HES2: variants seen among roughly 807,000 people sequenced by gnomAD.
HES2 encodes the protein transcription factor HES-2.
A neutral mutation model predicts 11.9 loss-of-function variants in HES2; 11 were observed. The observed-to-expected ratio is 0.92, with a 90% CI of 0.58 to 1.53. The LOEUF (loss-of-function observed/expected upper bound fraction) is 1.53, where lower values mean the gene tolerates loss of function less well. Among genes scored for constraint, HES2 ranks in the 40% most tolerant of loss-of-function variants. The probability of loss-of-function intolerance (pLI) is 0.00; values close to 1 mark genes in which losing one functional copy is unlikely to be tolerated. For synonymous variants in HES2, 125 were observed against 122.8 expected (o/e 1.02, Z -0.12); for missense variants, 260 against 253.8 (o/e 1.02, Z -0.16).
In HES2 at chr1:6,419,519, CT is replaced by C. The variant is rs1642887074; in HGVS notation, c.141+87del. On this transcript the variant is annotated intron_variant, in intron 2 of 3. Transcript: ENST00000377834. This position sits in a 1 kb window ranked among gnomAD's most constrained non-coding sequence, Gnocchi z 8.1. The stretch of plus-strand genomic sequence containing the variant: ...CGCCTCGGGCGCCGCGCGGAACCCC[CT>C]GGTGGGTTCCTCCCGCAGGAGCACC... The C allele has an allele frequency of 3.1e-6, 4 of 1,303,816 alleles. No individual in the cohort carries two copies. Among genetic ancestry groups the C allele is most frequent in the Admixed American group, 4.8e-5 (2 of 42,102 alleles). The allele number at this position is 1,303,816 out of a possible 1,614,324, so 80.8% of individuals were successfully genotyped here.
Position 6,419,097 on chromosome 1 carries a change from C to A in HES2, c.298G>T (p.Val100Leu). 6.7e-7 allele frequency: 1 copy of A among 1,503,444 alleles called. No individual in the cohort carries two copies. The highest frequency in any genetic ancestry group is 8.8e-7 in the Non-Finnish European group (1 of 1,134,512). The allele number at this position is 1,503,444 out of a possible 1,614,324, so 93.1% of individuals were successfully genotyped here. A position where few individuals can be genotyped will look rare whatever the true frequency, so the allele number is the denominator to read the frequency against. Residue 100 changes from valine (V) to leucine (L), a missense_variant, in exon 4 of 4, where the codon GTG becomes TTG. Coordinates refer to ENST00000377834, the MANE Select transcript of HES2 (RefSeq NM_019089.5). The surrounding 1 kb of genome is among the most constrained non-coding windows in gnomAD (Gnocchi z 8.1). ...TCCAGGACACGGCAGGCGGGCAGCACGCGGGCCAGGCGCGCCACACAGGCG... is the reference window on the plus strand; with the variant it reads ...TCCAGGACACGGCAGGCGGGCAGCAAGCGGGCCAGGCGCGCCACACAGGCG... ...YSACVARLARVLPACRVLEPA... is the reference protein window; with the variant it reads ...YSACVARLARLLPACRVLEPA...
In HES2 at chr1:6,415,421, A is replaced by G. The variant is rs540700400; in HGVS notation, c.*3452T>C. On this transcript the variant is annotated 3_prime_UTR_variant, in exon 4 of 4. Coordinates refer to ENST00000377834, the MANE Select transcript of HES2 (RefSeq NM_019089.5). ...CAATATTTCAAACTTCTTCCTTATT[A>G]TATCTGTTGTGAAGCTGGTTCTCCC... The G allele has an allele frequency of 6.6e-6, 1 of 151,764 alleles. No homozygotes were observed. The highest frequency in any genetic ancestry group is 1.5e-5 in the Non-Finnish European group (1 of 67,972). The allele number at this position is 151,764 out of a possible 1,614,324, so 9.4% of individuals were successfully genotyped here.
At position 6,418,375 on chromosome 1, in the gene HES2, A is replaced by G; in HGVS notation, c.*498T>C. On this transcript the variant is annotated 3_prime_UTR_variant, in exon 4 of 4. Coordinates refer to ENST00000377834, the MANE Select transcript of HES2 (RefSeq NM_019089.5). ...GCCCTGTAGAGCCCTGGAAGTGACC[A>G]GAGCCCTTAGGCTACTGCTGCTGCA... 1 of 155,178 alleles carries G rather than the reference A, an allele frequency of 6.4e-6. No homozygotes were observed. The allele number at this position is 155,178 out of a possible 1,614,324, so 9.6% of individuals were successfully genotyped here. A position where few individuals can be genotyped will look rare whatever the true frequency, so the allele number is the denominator to read the frequency against.
rs754809839 is a variant in HES2 at position 6,419,040 on chromosome 1, G to A, written c.355C>T (p.Leu119=). ...GTGGCGCTGGCCGCTCTCCGCCACAGGTGCTCCAGCAGGCGCGCGCTCACG... is the reference window on the plus strand; with the variant it reads ...GTGGCGCTGGCCGCTCTCCGCCACAAGTGCTCCAGCAGGCGCGCGCTCACG... ...PAVSARLLEH[L]WRRAASATLD... The change falls in exon 4 of 4, where the codon CTG becomes TTG. Residue 119 remains leucine (L), a synonymous_variant. Transcript: ENST00000377834. The surrounding 1 kb of genome is among the most constrained non-coding windows in gnomAD (Gnocchi z 8.1). 2.0e-6 allele frequency: 3 copies of A among 1,464,622 alleles called. No homozygotes were observed. Among genetic ancestry groups the A allele is most frequent in the Non-Finnish European group, 2.7e-6 (3 of 1,118,054 alleles). 90.7% of individuals were successfully genotyped at this position (1,464,622 alleles called of 1,614,324 possible). A position where few individuals can be genotyped will look rare whatever the true frequency, so the allele number is the denominator to read the frequency against.
rs1642852298 is a variant in HES2, at chr1:6,416,500, T to A, written c.*2373A>T. ...ACCCACCCAGGCTTGCCCCCTCCCT[T>A]CCAGGGCCCACTGACCTCCTGACTC... On this transcript the variant is annotated 3_prime_UTR_variant, in exon 4 of 4. Coordinates refer to ENST00000377834, the MANE Select transcript of HES2 (RefSeq NM_019089.5). 1 of 152,196 alleles carries A rather than the reference T, an allele frequency of 6.6e-6. No individual in the cohort carries two copies. The highest frequency in any genetic ancestry group is 1.5e-5 in the Non-Finnish European group (1 of 68,114). The allele number at this position is 152,196 out of a possible 1,614,324, so 9.4% of individuals were successfully genotyped here. A position where few individuals can be genotyped will look rare whatever the true frequency, so the allele number is the denominator to read the frequency against.
In HES2 at chr1:6,419,420, A is replaced by G; in HGVS notation, c.142-80T>C. On this transcript the variant is annotated intron_variant, in intron 2 of 3. Transcript: ENST00000377834. The surrounding 1 kb of genome is among the most constrained non-coding windows in gnomAD (Gnocchi z 8.1). Reference sequence around the variant, plus strand: ...CGGCTACCGTGCGCACCCTCGCTCTAGTCGGGAGCTGGGTGTGGGGCGCGC... The same window carrying G: ...CGGCTACCGTGCGCACCCTCGCTCTGGTCGGGAGCTGGGTGTGGGGCGCGC... 5.3e-6 allele frequency: 7 copies of G among 1,315,740 alleles called. No individual in the cohort carries two copies. The highest frequency in any genetic ancestry group is 7.3e-6 in the Non-Finnish European group (7 of 952,484). The allele number at this position is 1,315,740 out of a possible 1,614,324, so 81.5% of individuals were successfully genotyped here.
Position 6,419,787 on chromosome 1 carries a change from C to G in HES2, c.34G>C (p.Glu12Gln). The change falls in exon 1 of 4, where the codon GAG (glutamate) becomes CAG (glutamine). Residue 12 changes from glutamate (E) to glutamine (Q), a missense_variant. By Grantham distance (29) the Glu-to-Gln change is conservative (BLOSUM62 2). Transcript: ENST00000377834. This position sits in a 1 kb window ranked among gnomAD's most constrained non-coding sequence, Gnocchi z 8.1. ...TCCCCGGTACCCACCTTGCGCAGCT[C>G]CGCCGCGTCCCCTGCCCGGCGAGGC... is the stretch of plus-strand genomic sequence containing the variant. ...GLPRRAGDAA[E>Q]LRKSLKPLLE... 1 of 1,561,330 alleles carries G rather than the reference C, an allele frequency of 6.4e-7. No homozygotes were observed. The highest frequency in any genetic ancestry group is 8.6e-7 in the Non-Finnish European group (1 of 1,158,454).
At position 6,415,602 on chromosome 1, in the gene HES2, C is replaced by A. The variant is rs1642838018; in HGVS notation, c.*3271G>T. The A allele has an allele frequency of 6.6e-6, 1 of 152,020 alleles. No individual in the cohort carries two copies. The highest frequency in any genetic ancestry group is 2.1e-4 in the South Asian group (1 of 4,816). 9.4% of individuals were successfully genotyped at this position (152,020 alleles called of 1,614,324 possible). On this transcript the variant is annotated 3_prime_UTR_variant, in exon 4 of 4. Coordinates refer to ENST00000377834, the MANE Select transcript of HES2 (RefSeq NM_019089.5). ...TCCTCCTTGGCAGCCCAGTCTTTAT[C>A]CTCACTCACGTGGAAATGAGATTCG...
Position 6,419,542 on chromosome 1 carries a change from C to T in HES2, c.141+65G>A, listed in dbSNP as rs1293244168. ...CCCTGGTGGGTTCCTCCCGCAGGAG[C>T]ACCCCGTCCCCCTGCCCCCGCTCCG... On this transcript the variant is annotated intron_variant, in intron 2 of 3. Transcript: ENST00000377834. This position sits in a 1 kb window ranked among gnomAD's most constrained non-coding sequence, Gnocchi z 8.1. 7 of 1,369,310 alleles carry T rather than the reference C, an allele frequency of 5.1e-6. No individual in the cohort carries two copies. The South Asian group carries it at 8.2e-5, about 16-fold the overall frequency. 84.8% of individuals were successfully genotyped at this position (1,369,310 alleles called of 1,614,324 possible). A position where few individuals can be genotyped will look rare whatever the true frequency, so the allele number is the denominator to read the frequency against.
In HES2 at chr1:6,419,460, G is replaced by A. The variant is rs1018057767; in HGVS notation, c.142-120C>T. 7 of 1,164,414 alleles carry A rather than the reference G, an allele frequency of 6.0e-6. No homozygotes were observed. Among genetic ancestry groups the A allele is most frequent in the African/African-American group, 3.2e-5 (2 of 62,884 alleles). 72.1% of individuals were successfully genotyped at this position (1,164,414 alleles called of 1,614,324 possible). A position where few individuals can be genotyped will look rare whatever the true frequency, so the allele number is the denominator to read the frequency against. On this transcript the variant is annotated intron_variant, in intron 2 of 3. Coordinates refer to ENST00000377834, the MANE Select transcript of HES2 (RefSeq NM_019089.5). The surrounding 1 kb of genome is among the most constrained non-coding windows in gnomAD (Gnocchi z 8.1). Reference sequence around the variant, plus strand: ...GTGGGGCGCGCCGTGGCCTGCTGGGGGTCCGCTCCGACGCGCCCACCCCAC... The same window carrying A: ...GTGGGGCGCGCCGTGGCCTGCTGGGAGTCCGCTCCGACGCGCCCACCCCAC...
In HES2 at chr1:6,418,758, G is replaced by T; in HGVS notation, c.*115C>A. On this transcript the variant is annotated 3_prime_UTR_variant, in exon 4 of 4. Coordinates refer to ENST00000377834, the MANE Select transcript of HES2 (RefSeq NM_019089.5). The stretch of plus-strand genomic sequence containing the variant: ...CAAACAGCCGGCTTCCGGCCTGGGT[G>T]TGGGTACTGGGCTGGCCCCTAATGA... 1 of 1,061,510 alleles carries T rather than the reference G, an allele frequency of 9.4e-7. No individual in the cohort carries two copies. Among genetic ancestry groups the T allele is most frequent in the Non-Finnish European group, 1.2e-6 (1 of 831,640 alleles). 65.8% of individuals were successfully genotyped at this position (1,061,510 alleles called of 1,614,324 possible).
Position 6,419,035 on chromosome 1 carries a change from C to T in HES2, c.360G>A (p.Trp120Ter). ...CCAGGGTGGCGCTGGCCGCTCTCCGCCACAGGTGCTCCAGCAGGCGCGCGC... is the reference window on the plus strand; with the variant it reads ...CCAGGGTGGCGCTGGCCGCTCTCCGTCACAGGTGCTCCAGCAGGCGCGCGC... ...AVSARLLEHL[W>*]RRAASATLDG... The change falls in exon 4 of 4, where the codon TGG (tryptophan) becomes TGA (stop). Residue 120 changes from tryptophan to a stop codon, truncating the protein, a stop_gained. Coordinates refer to ENST00000377834, the MANE Select transcript of HES2 (RefSeq NM_019089.5). LOFTEE classifies it low-confidence loss of function (END_TRUNC). This position sits in a 1 kb window ranked among gnomAD's most constrained non-coding sequence, Gnocchi z 8.1. 6.8e-7 allele frequency: 1 copy of T among 1,460,412 alleles called. No individual in the cohort carries two copies. Among genetic ancestry groups the T allele is most frequent in the Non-Finnish European group, 9.0e-7 (1 of 1,116,210 alleles). The allele number at this position is 1,460,412 out of a possible 1,614,324, so 90.5% of individuals were successfully genotyped here.
rs762392716 is a variant in HES2, at chr1:6,418,963, T to A, written c.432A>T (p.Pro144=). The A allele has an allele frequency of 7.5e-7, 1 of 1,340,088 alleles. No homozygotes were observed. Among genetic ancestry groups the A allele is most frequent in the Non-Finnish European group, 9.5e-7 (1 of 1,054,884 alleles). 83.0% of individuals were successfully genotyped at this position (1,340,088 alleles called of 1,614,324 possible). A position where few individuals can be genotyped will look rare whatever the true frequency, so the allele number is the denominator to read the frequency against. ...CGGGCTCTGGGGCAGACGCGGGCGCTGGGGCGGGGGCAGACGGGCCACTGG... is the reference window on the plus strand; with the variant it reads ...CGGGCTCTGGGGCAGACGCGGGCGCAGGGGCGGGGGCAGACGGGCCACTGG... ...GDSSGPSAPA[P]APASAPEPAS... is the part of the protein sequence containing the mutation. Residue 144 remains proline (P), a synonymous_variant, in exon 4 of 4, where the codon CCA becomes CCT. Coordinates refer to ENST00000377834, the MANE Select transcript of HES2 (RefSeq NM_019089.5).
Position 6,416,665 on chromosome 1 carries a change from A to AAG in HES2, c.*2206_*2207dup, listed in dbSNP as rs776290266. ...CGAACTGAGATGGACTCTCAGAAGC[A>AAG]AGAGGTGGCAAGCATGGCGGAGAGG... On this transcript the variant is annotated 3_prime_UTR_variant, in exon 4 of 4. Transcript: ENST00000377834. 2.6e-5 allele frequency: 4 copies of AAG among 152,344 alleles called. No homozygotes were observed. The highest frequency in any genetic ancestry group is 5.9e-5 in the Non-Finnish European group (4 of 68,146). 9.4% of individuals were successfully genotyped at this position (152,344 alleles called of 1,614,324 possible).
In HES2 at chr1:6,419,454, G is replaced by T; in HGVS notation, c.142-114C>A. The stretch of plus-strand genomic sequence containing the variant: ...CTGGGTGTGGGGCGCGCCGTGGCCT[G>T]CTGGGGGTCCGCTCCGACGCGCCCA... On this transcript the variant is annotated intron_variant, in intron 2 of 3. Transcript: ENST00000377834. The surrounding 1 kb of genome is among the most constrained non-coding windows in gnomAD (Gnocchi z 8.1). The T allele has an allele frequency of 8.5e-7, 1 of 1,182,862 alleles. No homozygotes were observed. Among genetic ancestry groups the T allele is most frequent in the Non-Finnish European group, 1.2e-6 (1 of 848,624 alleles). The allele number at this position is 1,182,862 out of a possible 1,614,324, so 73.3% of individuals were successfully genotyped here.
rs1165450266 is a variant in HES2, at chr1:6,418,971, G to A, written c.424C>T (p.Pro142Ser). 2.2e-6 allele frequency: 3 copies of A among 1,349,436 alleles called. No individual in the cohort carries two copies. Among genetic ancestry groups the A allele is most frequent in the Admixed American group, 4.1e-5 (1 of 24,336 alleles). 83.6% of individuals were successfully genotyped at this position (1,349,436 alleles called of 1,614,324 possible). A position where few individuals can be genotyped will look rare whatever the true frequency, so the allele number is the denominator to read the frequency against. Residue 142 changes from proline (P) to serine (S), a missense_variant, in exon 4 of 4, where the codon CCC becomes TCC. Coordinates refer to ENST00000377834, the MANE Select transcript of HES2 (RefSeq NM_019089.5). The part of the protein sequence containing the change: ...RAGDSSGPSA[P>S]APAPASAPEP... ...GGGGCAGACGCGGGCGCTGGGGCGG[G>A]GGCAGACGGGCCACTGGAATCCCCA...
Position 6,419,665 on chromosome 1 carries a change from C to T in HES2, c.83G>A (p.Arg28His). Residue 28 changes from arginine (R) to histidine (H), a missense_variant, in exon 2 of 4, where the codon CGC becomes CAC. Coordinates refer to ENST00000377834, the MANE Select transcript of HES2 (RefSeq NM_019089.5). The surrounding 1 kb of genome is among the most constrained non-coding windows in gnomAD (Gnocchi z 8.1). The part of the protein sequence containing the change: ...KPLLEKRRRA[R>H]INQSLSQLKG... The stretch of plus-strand genomic sequence containing the variant: ...AAGCTGGCTCAGGCTCTGGTTGATG[C>T]GCGCGCGCCGGCGCTTCTCCAGCAG... The T allele has an allele frequency of 1.3e-6, 2 of 1,554,704 alleles. No homozygotes were observed. The highest frequency in any genetic ancestry group is 1.2e-5 in the South Asian group (1 of 84,592).
chr1:6,419,395 C>T lies in HES2; in HGVS notation c.142-55G>A. On this transcript the variant is annotated intron_variant, in intron 2 of 3. Coordinates refer to ENST00000377834, the MANE Select transcript of HES2 (RefSeq NM_019089.5). The surrounding 1 kb of genome is among the most constrained non-coding windows in gnomAD (Gnocchi z 8.1). Reference sequence around the variant, plus strand: ...AGAACCACCAAGACAGAACTTTGGCCGGCTACCGTGCGCACCCTCGCTCTA... The same window carrying T: ...AGAACCACCAAGACAGAACTTTGGCTGGCTACCGTGCGCACCCTCGCTCTA... 3.4e-6 allele frequency: 5 copies of T among 1,478,096 alleles called. No individual in the cohort carries two copies. Among genetic ancestry groups the T allele is most frequent in the South Asian group, 2.4e-5 (2 of 83,534 alleles). 91.6% of individuals were successfully genotyped at this position (1,478,096 alleles called of 1,614,324 possible).
rs1364198066 is a variant in HES2 at position 6,418,139 on chromosome 1, A to G, written c.*734T>C. On this transcript the variant is annotated 3_prime_UTR_variant, in exon 4 of 4. Coordinates refer to ENST00000377834, the MANE Select transcript of HES2 (RefSeq NM_019089.5). ...CATTCTTGTTCTGCCCCTTCCTCAC[A>G]CTGAAAGACTGCATAGCCTGGGGTG... 2.6e-5 allele frequency: 4 copies of G among 152,168 alleles called. No homozygotes were observed. The highest frequency in any genetic ancestry group is 9.7e-5 in the African/African-American group (4 of 41,432). The allele number at this position is 152,168 out of a possible 1,614,324, so 9.4% of individuals were successfully genotyped here. A position where few individuals can be genotyped will look rare whatever the true frequency, so the allele number is the denominator to read the frequency against.
Sources: allele counts gnomAD v4.1 joint callset, GRCh38; gene constraint gnomAD v4.1.1; non-coding constraint Gnocchi (gnomAD v3.1); transcripts MANE v1.5; gene names NCBI Gene and HGNC (gene_info 2026-07-23, HGNC 2026-07-21).